Variants in C4orf50 observed in about 807,000 individuals in gnomAD.
C4orf50 encodes the protein chromosome 4 open reading frame 50.
Under a neutral mutation model 77.2 loss-of-function variants are expected in C4orf50, and 80 were observed. The ratio of observed to expected loss-of-function variants is 1.04; its 90% CI spans 0.87 to 1.25. The LOEUF (loss-of-function observed/expected upper bound fraction) is 1.25, where lower values mean the gene tolerates loss of function less well. Among genes scored for constraint, C4orf50 ranks in the 50% most tolerant of loss-of-function variants. The pLI is 0.00. For missense variants in C4orf50, 1,257 were observed against 1,152.9 expected, an observed-to-expected ratio of 1.09 and a Z score of -1.31; for synonymous variants, 532 against 465.3, an observed-to-expected ratio of 1.14 and a Z score of -1.84.
intron 7 of C4orf50, among the ~76,000 whole-genome samples, chr4:5,921,144 G>A (rs991210470): frequency 6.6e-6 from 1 of 152,232 alleles, no homozygotes; most frequent in African/African-American, 2.4e-5. Flanking sequence ...CCATTGCTGG[G>A]CCCTTCCACG....
At chr4:5,922,758 G>C (rs1717334918) in intron 7 of C4orf50, among the ~76,000 whole-genome samples, 1 of 152,168 alleles carries the variant, frequency 6.6e-6, no homozygotes, top group Admixed American at 6.5e-5. Context: ...TGGGCAGATG[G>C]ATGCCAGACT....
chr4:5,996,485 A>G (rs1167902487), intron 25 of C4orf50, among the ~76,000 whole-genome samples: 1 of 135,430 alleles, frequency 7.4e-6, no homozygotes, highest in Non-Finnish European at 1.5e-5. Flanking sequence ...TCCTGGAAGG[A>G]ACTCTTCTCC....
At chr4:6,003,505 G>A (rs1488617484) in intron 25 of C4orf50, among the ~76,000 whole-genome samples, 6 of 152,068 alleles carry the variant, frequency 3.9e-5, no homozygotes, top group South Asian at 2.1e-4. Context: ...TGTTGGTGAT[G>A]ATGGTGATGG....
At chr4:5,924,691 C>A (rs769121151) in intron 7 of C4orf50, among the ~76,000 whole-genome samples, 2 of 152,204 alleles carry the variant, frequency 1.3e-5, no homozygotes, top group African/African-American at 4.8e-5. Context: ...AGGAGGGACT[C>A]CTGGGCTGGG....
chr4:5,920,402 T>C (rs1473787255), intron 7 of C4orf50, among the ~76,000 whole-genome samples: 2 of 151,780 alleles, frequency 1.3e-5, no homozygotes, highest in Non-Finnish European at 2.9e-5. Flanking sequence ...GTCTGGAACA[T>C]GGCAGGTACC....
At chr4:5,982,460 C>T (rs530768827) in intron 28 of C4orf50, among the ~76,000 whole-genome samples, 19 of 152,212 alleles carry the variant, frequency 1.2e-4, no homozygotes, top group Non-Finnish European at 1.8e-4. Flanking sequence ...GGAGCTCAGG[C>T]GGGTGTGGAG....
intron 29 of C4orf50, among the ~76,000 whole-genome samples, chr4:5,976,641 G>T (rs1346338664): frequency 6.6e-6 from 1 of 152,118 alleles, no homozygotes; most frequent in Non-Finnish European, 1.5e-5. Flanking sequence ...CTGGAACTGA[G>T]ATCTTGTGCA....
At position 5,990,280 on chromosome 4, in the gene C4orf50, AG is replaced by A. The variant is rs994603433; in HGVS notation, c.1765del (p.Leu589Ter). ...AGCTCCAGCCCCATTCTCCAAGCTCAGGTTCTGATGGCTTTCCTGACTTAGC... is the reference window on the plus strand; with the variant it reads ...AGCTCCAGCCCCATTCTCCAAGCTCAGTTCTGATGGCTTTCCTGACTTAGC... On this transcript the variant is annotated frameshift_variant, in exon 28 of 34. Transcript: ENST00000531445. LOFTEE classifies it high-confidence loss of function. The A allele has an allele frequency of 5.9e-6, 7 of 1,190,866 alleles. No homozygotes were observed. The highest frequency in any genetic ancestry group is 7.4e-6 in the Non-Finnish European group (7 of 949,966). The allele number at this position is 1,190,866 out of a possible 1,614,324, so 73.8% of individuals were successfully genotyped here. A position where few individuals can be genotyped will look rare whatever the true frequency, so the allele number is the denominator to read the frequency against.
chr4:5,967,431 A>G (rs1285918561), exon 32 of C4orf50: 1 of 1,614,042 alleles, frequency 6.2e-7, no homozygotes, highest in Non-Finnish European at 8.5e-7. Flanking sequence ...AGCTGCCGTC[A>G]TCTCAGACTT....
At chr4:5,952,961 G>A (rs1274980512), downstream of C4orf50, among the ~76,000 whole-genome samples, 1 of 152,216 alleles carries the variant, frequency 6.6e-6, no homozygotes, top group Admixed American at 6.5e-5. This position sits in a 1 kb window ranked among gnomAD's most constrained non-coding sequence, Gnocchi z 4.4. Context: ...TCAAGGGACA[G>A]CCGAAGGGAA....
chr4:5,947,892 C>A (rs972776935), intron 7 of C4orf50, among the ~76,000 whole-genome samples: 13 of 152,200 alleles, frequency 8.5e-5, no homozygotes, highest in African/African-American at 3.1e-4. Context: ...AGCCCAGCCC[C>A]CAGGGTCCCT....
chr4:5,976,132 G>A (rs946937280), intron 29 of C4orf50, among the ~76,000 whole-genome samples, 177 bp from the exon 8 acceptor site: 2 of 152,108 alleles, frequency 1.3e-5, no homozygotes, highest in East Asian at 1.9e-4. Context: ...ATCAGGGGAG[G>A]ACAGATATTC....
Position 5,919,284 on chromosome 4 carries a change from G to A in C4orf50, c.*2475-21096C>T, listed in dbSNP as rs185664731. Among the ~76,000 whole-genome samples the A allele has an allele frequency of 5.3e-5, 8 of 152,282 alleles. No homozygotes were observed. The highest frequency in any genetic ancestry group is 3.9e-4 in the Admixed American group (6 of 15,302). On this transcript the variant is annotated intron_variant, in intron 7 of 7. Transcript: ENST00000324058. This position sits in a 1 kb window ranked among gnomAD's most constrained non-coding sequence, Gnocchi z 6.5. Reference sequence around the variant, plus strand: ...TTGAGGGTTGGCAGACCCAATGCCCGATTTCCATGGCTACCACAGCTCAGG... The same window carrying A: ...TTGAGGGTTGGCAGACCCAATGCCCAATTTCCATGGCTACCACAGCTCAGG...
chr4:5,971,824 G>C (rs1304177696), intron 31 of C4orf50, among the ~76,000 whole-genome samples: 1 of 152,120 alleles, frequency 6.6e-6, no homozygotes, highest in Admixed American at 6.5e-5. Context: ...GTCATTGTAA[G>C]TCAGCCGATC....
intron 31 of C4orf50, among the ~76,000 whole-genome samples, chr4:5,968,345 G>A (rs1366885045): frequency 3.9e-5 from 6 of 152,178 alleles, no homozygotes; most frequent in African/African-American, 1.4e-4. Flanking sequence ...GGTCTATGAG[G>A]GTCCCCTCTA....
intron 30 of C4orf50, among the ~76,000 whole-genome samples, 165 bp from the exon 9 acceptor site, chr4:5,974,006 A>G (rs1403891628): frequency 6.6e-6 from 1 of 152,172 alleles, no homozygotes; most frequent in African/African-American, 2.4e-5. Flanking sequence ...TGCCCCCAGA[A>G]GCCAGGCTGC....
chr4:6,004,321 G>A (rs1322419501), intron 25 of C4orf50, among the ~76,000 whole-genome samples: 2 of 30,202 alleles, frequency 6.6e-5, no homozygotes, highest in African/African-American at 9.6e-5. Context: ...TGATGTGATC[G>A]TAATGGTGAT....
chr4:5,962,699 C>T (rs1719337885), intron 33 of C4orf50, among the ~76,000 whole-genome samples: 2 of 152,234 alleles, frequency 1.3e-5, no homozygotes, highest in African/African-American at 4.8e-5. Flanking sequence ...GACCTTTGCC[C>T]CCTCTGTGCC....
At chr4:5,920,929 C>A (rs537900564) in intron 7 of C4orf50, among the ~76,000 whole-genome samples, 162 of 152,158 alleles carry the variant, frequency 1.1e-3, no homozygotes, top group African/African-American at 3.7e-3. Flanking sequence ...ATGGCTGAGC[C>A]CATGGGAAGC....
Sources: allele counts gnomAD v4.1 joint callset (sites outside exome capture counted in the v4.1 genomes callset), GRCh38; gene constraint gnomAD v4.1.1; non-coding constraint Gnocchi (gnomAD v3.1); transcripts MANE v1.5; gene names NCBI Gene and HGNC (gene_info 2026-07-23, HGNC 2026-07-21).